EPB41L4A: variants seen among roughly 807,000 people sequenced by gnomAD.
EPB41L4A encodes band 4.1-like protein 4A.
In EPB41L4A, 100 loss-of-function variants were observed where a neutral mutation model predicts 108.6. That is an observed-to-expected ratio of 0.92 (90% CI 0.78 to 1.09). EPB41L4A has a LOEUF of 1.09. Among genes scored for constraint, EPB41L4A ranks in the 50% least tolerant of loss-of-function variants. EPB41L4A has a pLI of 0.00. For missense variants in EPB41L4A, 1,030 were observed against 842.7 expected, an observed-to-expected ratio of 1.22 and a Z score of -2.75; for synonymous variants, 319 against 289.0, an observed-to-expected ratio of 1.10 and a Z score of -1.05.
At chr5:112,256,054 C>T (rs971142689) in intron 9 of EPB41L4A, among the ~76,000 whole-genome samples, 3 of 152,184 alleles carry the variant, frequency 2.0e-5, no homozygotes, top group Non-Finnish European at 4.4e-5. Context: ...ACAGCTTCTC[C>T]GCACTTTGTT....
At chr5:112,179,286 T>G (rs1463759574) in intron 18 of EPB41L4A, among the ~76,000 whole-genome samples, 4 of 152,114 alleles carry the variant, frequency 2.6e-5, no homozygotes, top group African/African-American at 9.6e-5. Context: ...AAAAATGCTT[T>G]TATATTAACT....
intron 1 of EPB41L4A, among the ~76,000 whole-genome samples, chr5:112,331,360 G>A (rs547463484): frequency 1.3e-5 from 2 of 152,328 alleles, no homozygotes; most frequent in Admixed American, 1.3e-4. Flanking sequence ...CAGTGGAGAA[G>A]TGTTGACCAT....
At chr5:112,372,464 CTG>C in intron 1 of EPB41L4A, among the ~76,000 whole-genome samples, 1 of 152,280 alleles carries the variant, frequency 6.6e-6, no homozygotes, top group Non-Finnish European at 1.5e-5. Flanking sequence ...AATAAGCAAA[CTG>C]TTACGGAAGG....
intron 1 of EPB41L4A, among the ~76,000 whole-genome samples, chr5:112,341,456 C>T (rs1358876446): frequency 6.6e-6 from 1 of 152,190 alleles, no homozygotes; most frequent in African/African-American, 2.4e-5. Context: ...TCAAATGTAG[C>T]TTTAAAGTAT....
Position 112,204,364 on chromosome 5 carries a change from G to A in EPB41L4A, c.1376+11C>T. The A allele has an allele frequency of 6.3e-7, 1 of 1,579,730 alleles. No individual in the cohort carries two copies. Among genetic ancestry groups the A allele is most frequent in the East Asian group, 2.2e-5 (1 of 44,720 alleles). Reference sequence around the variant, plus strand: ...TGAAAGCTGCTAACAGAGAGATTGTGTTCCGCTTACCTCCTCCTCACAGGC... The same window carrying A: ...TGAAAGCTGCTAACAGAGAGATTGTATTCCGCTTACCTCCTCCTCACAGGC... On this transcript the variant is annotated intron_variant, in intron 15 of 22. Coordinates refer to ENST00000261486, the MANE Select transcript of EPB41L4A (RefSeq NM_022140.5).
chr5:112,212,292 T>TA (rs1282222087), intron 12 of EPB41L4A, among the ~76,000 whole-genome samples: 4 of 144,658 alleles, frequency 2.8e-5, no homozygotes, highest in African/African-American at 1.0e-4. Context: ...TTAGTTGTTT[T>TA]TGTTTTTTTT....
intron 9 of EPB41L4A, among the ~76,000 whole-genome samples, chr5:112,251,875 A>G (rs938021864): frequency 6.6e-6 from 1 of 152,190 alleles, no homozygotes; most frequent in East Asian, 1.9e-4. Flanking sequence ...TAAGAAGGAG[A>G]GAAGGGAGGA....
intron 1 of EPB41L4A, among the ~76,000 whole-genome samples, chr5:112,398,537 C>T (rs1761524379): frequency 1.3e-5 from 2 of 152,128 alleles, no homozygotes; most frequent in South Asian, 2.1e-4. Context: ...TACAGGCATG[C>T]ACCACCACAC....
intron 12 of EPB41L4A, among the ~76,000 whole-genome samples, chr5:112,216,969 T>C (rs926877182): frequency 6.6e-6 from 1 of 152,054 alleles, no homozygotes; most frequent in Non-Finnish European, 1.5e-5. Context: ...TTTCCTATCA[T>C]CATGGAATTT....
At chr5:112,250,065 AT>A (rs1371224645) in intron 9 of EPB41L4A, among the ~76,000 whole-genome samples, 9 of 152,156 alleles carry the variant, frequency 5.9e-5, no homozygotes, top group African/African-American at 2.2e-4. Flanking sequence ...ATGGTTACGT[AT>A]TTTTTAACTG....
rs183069747 is a variant in EPB41L4A, at chr5:112,348,910, A to C, written c.100-41420T>G. Among the ~76,000 whole-genome samples, 183 of 152,360 alleles carry C rather than the reference A, an allele frequency of 1.2e-3. 1 individual carries two copies. Among genetic ancestry groups the C allele is most frequent in the Non-Finnish European group, 2.2e-3 (150 of 68,028 alleles). Reference sequence around the variant, plus strand: ...GATGCTGAGGAGTTTCAAATGAAGAAGACATGACTAAGACAGGGTTCAAAT... The same window carrying C: ...GATGCTGAGGAGTTTCAAATGAAGACGACATGACTAAGACAGGGTTCAAAT... On this transcript the variant is annotated intron_variant, in intron 1 of 22. Transcript: ENST00000261486.
At chr5:112,189,781 G>C (rs1245093816) in intron 17 of EPB41L4A, among the ~76,000 whole-genome samples, 1 of 152,190 alleles carries the variant, frequency 6.6e-6, no homozygotes, top group Non-Finnish European at 1.5e-5. Context: ...GAATGAATGA[G>C]TAATTCAAAG....
intron 1 of EPB41L4A, among the ~76,000 whole-genome samples, chr5:112,345,956 TAGTG>T (rs1482174149): frequency 2.0e-5 from 3 of 151,996 alleles, no homozygotes; most frequent in South Asian, 4.1e-4. Context: ...ATTTTTAAAA[TAGTG>T]AGTTGAAATG....
intron 6 of EPB41L4A, chr5:112,264,285 G>C (rs1001467545): frequency 6.6e-6 from 1 of 152,174 alleles, no homozygotes; most frequent in Non-Finnish European, 1.5e-5. Context: ...TACTAGGGGA[G>C]CGTGTCTACT....
chr5:112,346,609 T>C (rs1019744), intron 1 of EPB41L4A, among the ~76,000 whole-genome samples: 2 of 151,984 alleles, frequency 1.3e-5, no homozygotes, highest in Non-Finnish European at 2.9e-5. Context: ...AAGTCAAACT[T>C]TGAGTATAGA....
chr5:112,372,796 T>C (rs1471466968), intron 1 of EPB41L4A, among the ~76,000 whole-genome samples: 2 of 152,058 alleles, frequency 1.3e-5, no homozygotes, highest in South Asian at 2.1e-4. Context: ...AGAAATGAAC[T>C]GTAATGGTCA....
At position 112,156,628 on chromosome 5, in the gene EPB41L4A, A is replaced by C. The variant is rs1436749186; in HGVS notation, n.994+1773T>G. 2.0e-5 allele frequency among the ~76,000 whole-genome samples: 3 copies of C among 152,224 alleles called. No individual in the cohort carries two copies. The East Asian group carries it at 5.8e-4, about 29-fold the overall frequency. On this transcript the variant is annotated intron_variant and non_coding_transcript_variant, in intron 12 of 13. Coordinates refer to the EPB41L4A transcript ENST00000507810. ...GAAACATCCTCAAAGACACACCCAG[A>C]AATAATGTTTAGCTAGATGGCTGAA... is the stretch of plus-strand genomic sequence containing the variant.
At chr5:112,242,613 G>A (rs1388132739) in intron 9 of EPB41L4A, among the ~76,000 whole-genome samples, 1 of 152,148 alleles carries the variant, frequency 6.6e-6, no homozygotes, top group African/African-American at 2.4e-5. Flanking sequence ...TATCTTAGGG[G>A]CATCCAGAAT....
intron 1 of EPB41L4A, among the ~76,000 whole-genome samples, chr5:112,354,533 G>A (rs1465857999): frequency 1.3e-5 from 2 of 152,148 alleles, no homozygotes; most frequent in African/African-American, 4.8e-5. Context: ...AGATAAGGAA[G>A]GGTGTGGAGG....
Sources: allele counts gnomAD v4.1 joint callset (sites outside exome capture counted in the v4.1 genomes callset), GRCh38; gene constraint gnomAD v4.1.1; transcripts MANE v1.5; gene names NCBI Gene and HGNC (gene_info 2026-07-23, HGNC 2026-07-21).